UPF2: variants seen among roughly 807,000 people sequenced by gnomAD.
UPF2 encodes UPF2 regulator of nonsense mediated mRNA decay.
A neutral mutation model predicts 141.4 loss-of-function variants in UPF2; 17 were observed. The observed-to-expected ratio is 0.12, with a 90% confidence interval of 0.08 to 0.18. The LOEUF (loss-of-function observed/expected upper bound fraction) is 0.18, where lower values mean the gene tolerates loss of function less well. UPF2 is among the 10% of genes least tolerant of loss of function. UPF2 has a pLI of 1.00. For synonymous variants in UPF2, 540 were observed against 498.0 expected, an observed-to-expected ratio of 1.08 and a Z score of -1.12; for missense variants, 1,152 against 1,515.9, an observed-to-expected ratio of 0.76 and a Z score of 3.99.
At chr10:11,960,398 A>C (rs1039130054) in intron 11 of UPF2, among the ~76,000 whole-genome samples, 1 of 151,816 alleles carries the variant, frequency 6.6e-6, no homozygotes, top group Non-Finnish European at 1.5e-5. Context: ...AAATAAAATA[A>C]AGTAAAATAA....
At chr10:12,024,642 G>T (rs1834379282) in intron 3 of UPF2, among the ~76,000 whole-genome samples, 3 of 150,604 alleles carry the variant, frequency 2.0e-5, no homozygotes, top group Non-Finnish European at 4.4e-5. Context: ...TTAATTAAAG[G>T]TGGGGTGGCA....
At chr10:11,950,011 T>A (rs1833053088) in intron 15 of UPF2, among the ~76,000 whole-genome samples, 1 of 151,084 alleles carries the variant, frequency 6.6e-6, no homozygotes, top group South Asian at 2.1e-4. Context: ...CAAGAAAAAA[T>A]TTCATAATGT....
rs1019765824 is a variant in UPF2, at chr10:11,935,883, G to C, written c.3546+662C>G. ...TTTGAGGGACCATCTTGTATGAAGG[G>C]GGAAAGGGCAAACAAGAAGAATGGA... On this transcript the variant is annotated intron_variant, in intron 19 of 21. Coordinates refer to ENST00000357604, the MANE Select transcript of UPF2 (RefSeq NM_015542.4). The surrounding 1 kb of genome is among the most constrained non-coding windows in gnomAD (Gnocchi z 4.9). 1.2e-4 allele frequency among the ~76,000 whole-genome samples: 19 copies of C among 152,138 alleles called. No homozygotes were observed. Among genetic ancestry groups the C allele is most frequent in the African/African-American group, 4.3e-4 (18 of 41,422 alleles).
chr10:12,000,666 G>C (rs1009717361), intron 6 of UPF2, among the ~76,000 whole-genome samples: 1 of 152,056 alleles, frequency 6.6e-6, no homozygotes, highest in Non-Finnish European at 1.5e-5. Context: ...AATAAGCTGG[G>C]TGTGGTGGTG....
chr10:12,009,287 AAT>A, intron 4 of UPF2, among the ~76,000 whole-genome samples: 1 of 152,350 alleles, frequency 6.6e-6, no homozygotes, highest in East Asian at 1.9e-4. Flanking sequence ...AAAAGCCAGA[AAT>A]ATTAAGTGTT....
At chr10:11,934,727 T>A (rs1056389207) in intron 19 of UPF2, among the ~76,000 whole-genome samples, 1 of 152,160 alleles carries the variant, frequency 6.6e-6, no homozygotes, top group South Asian at 2.1e-4. Flanking sequence ...GTAGCTGGGA[T>A]TACAGGCACA....
At chr10:11,946,979 A>T (rs964441123) in intron 16 of UPF2, among the ~76,000 whole-genome samples, 3 of 152,196 alleles carry the variant, frequency 2.0e-5, no homozygotes, top group African/African-American at 7.2e-5. Flanking sequence ...AGGTGGGGGG[A>T]TCACTTGAGG....
intron 5 of UPF2, among the ~76,000 whole-genome samples, chr10:12,002,746 C>G (rs1349264210): frequency 6.6e-6 from 1 of 152,264 alleles, no homozygotes; most frequent in African/African-American, 2.4e-5. Flanking sequence ...AGAAACCAAA[C>G]CTTAGCTAAA....
At chr10:12,020,146 A>G (rs1391668297) in intron 3 of UPF2, among the ~76,000 whole-genome samples, 1 of 152,082 alleles carries the variant, frequency 6.6e-6, no homozygotes, top group Non-Finnish European at 1.5e-5. Context: ...TCTAATATTA[A>G]GAGAACTTTT....
rs187691188 is a variant in UPF2, at chr10:12,032,867, C to T, written c.365+2192G>A. On this transcript the variant is annotated intron_variant, in intron 2 of 21. Transcript: ENST00000357604. The stretch of plus-strand genomic sequence containing the variant: ...GAGGTCCTGGCCAGGGGTGGTGGCA[C>T]GAGCCTGTAATGACAGCTACTCAGG... Among the ~76,000 whole-genome samples, 242 of 151,868 alleles carry T rather than the reference C, an allele frequency of 1.6e-3. 1 individual carries two copies. The highest frequency in any genetic ancestry group is 5.4e-3 in the African/African-American group (224 of 41,420).
At chr10:11,968,194 ATTC>A (rs1564348578) in intron 9 of UPF2, among the ~76,000 whole-genome samples, 1 of 152,108 alleles carries the variant, frequency 6.6e-6, no homozygotes, top group African/African-American at 2.4e-5. Flanking sequence ...GAAAAAAAAA[ATTC>A]TTGTTATATT....
chr10:12,033,353 T>C (rs979552847), intron 2 of UPF2, among the ~76,000 whole-genome samples: 2 of 152,016 alleles, frequency 1.3e-5, no homozygotes, highest in African/African-American at 4.8e-5. Flanking sequence ...CTGGGCAACA[T>C]GGTGAAACTC....
chr10:11,977,166 TA>T (rs1291350427), intron 9 of UPF2, among the ~76,000 whole-genome samples: 3 of 152,082 alleles, frequency 2.0e-5, no homozygotes, highest in Non-Finnish European at 2.9e-5. Flanking sequence ...AAGTATACTG[TA>T]AAACACTTCA....
chr10:11,930,657 T>C (rs1231309089), intron 20 of UPF2, among the ~76,000 whole-genome samples: 3 of 152,098 alleles, frequency 2.0e-5, no homozygotes, highest in African/African-American at 7.2e-5. Flanking sequence ...ATGTCTGTAA[T>C]CTTAGCTACT....
rs1834751923 is a variant in UPF2 at position 12,042,398 on chromosome 10, T to G, written c.-19+357A>C. ...CTTCCCTCCCGGCTCTCGAGGAGCTTCCCCCGACCTCCCCTCGCTCTCCTC... is the reference window on the plus strand; with the variant it reads ...CTTCCCTCCCGGCTCTCGAGGAGCTGCCCCCGACCTCCCCTCGCTCTCCTC... On this transcript the variant is annotated intron_variant, in intron 1 of 21. Coordinates refer to ENST00000357604, the MANE Select transcript of UPF2 (RefSeq NM_015542.4). The surrounding 1 kb of genome is among the most constrained non-coding windows in gnomAD (Gnocchi z 5.5). Among the ~76,000 whole-genome samples the G allele has an allele frequency of 6.6e-6, 1 of 151,862 alleles. No homozygotes were observed. The highest frequency in any genetic ancestry group is 2.4e-5 in the African/African-American group (1 of 41,326).
chr10:11,985,569 G>A (rs1477838708), intron 8 of UPF2, among the ~76,000 whole-genome samples: 4 of 150,900 alleles, frequency 2.7e-5, no homozygotes, highest in Non-Finnish European at 4.4e-5. Flanking sequence ...CCCGGGAGGC[G>A]GAGCTTGCGC....
chr10:11,941,375 C>T (rs557626524), intron 18 of UPF2, among the ~76,000 whole-genome samples: 1 of 152,238 alleles, frequency 6.6e-6, no homozygotes, highest in South Asian at 2.1e-4. Context: ...AAATTAGGAG[C>T]TTTCTGGATA....
At chr10:11,928,711 A>G (rs935930393) in intron 21 of UPF2, 50 of 263,808 alleles carry the variant, frequency 1.9e-4, no homozygotes, top group African/African-American at 1.1e-3. Flanking sequence ...TCCGCCTCAG[A>G]AAAAAAAAAA....
At chr10:11,955,995 T>C (rs1295813916) in intron 13 of UPF2, among the ~76,000 whole-genome samples, 1 of 151,888 alleles carries the variant, frequency 6.6e-6, no homozygotes, top group Admixed American at 6.6e-5. Context: ...TACAAAAAAA[T>C]TAGCTAGGCG....
Sources: allele counts gnomAD v4.1 joint callset (sites outside exome capture counted in the v4.1 genomes callset), GRCh38; gene constraint gnomAD v4.1.1; non-coding constraint Gnocchi (gnomAD v3.1); transcripts MANE v1.5; gene names NCBI Gene and HGNC (gene_info 2026-07-23, HGNC 2026-07-21).